The following LHFPL5 variants were observed in gnomAD, a reference collection of about 807,000 sequenced individuals.
The protein encoded by LHFPL5 is LHFPL tetraspan subfamily member 5.
LHFPL5 carries 12 observed loss-of-function variants against 18.7 expected under a neutral mutation model. The ratio of observed to expected loss-of-function variants is 0.64; its 90% CI spans 0.41 to 1.04. The LOEUF is 1.04. LHFPL5 is among the 50% of genes least tolerant of loss of function. The pLI is 0.00. For missense variants in LHFPL5, 259 were observed against 292.1 expected, an observed-to-expected ratio of 0.89 and a Z score of 0.83; for synonymous variants, 111 against 120.2, an observed-to-expected ratio of 0.92 and a Z score of 0.50.
chr6:35,811,639 G>T (rs1768666058), intron 1 of LHFPL5, among the ~76,000 whole-genome samples: 1 of 152,246 alleles, frequency 6.6e-6, no homozygotes, highest in African/African-American at 2.4e-5. Context: ...TGCAGGAGGG[G>T]AGGGGCCACG....
intron 2 of LHFPL5, among the ~76,000 whole-genome samples, chr6:35,818,655 G>A (rs1272830338): frequency 6.7e-6 from 1 of 149,788 alleles, no homozygotes; most frequent in African/African-American, 2.5e-5. Context: ...CAGCTTGTTA[G>A]TGAATTATAT....
At chr6:35,819,894 G>A (rs1469231537) in intron 3 of LHFPL5, 1 of 237,324 alleles carries the variant, frequency 4.2e-6, no homozygotes, top group African/African-American at 2.2e-5. Context: ...AGCCAGGATG[G>A]TCTCCATCTC....
At chr6:35,809,128 G>T (rs1768623637) in intron 1 of LHFPL5, among the ~76,000 whole-genome samples, 2 of 152,176 alleles carry the variant, frequency 1.3e-5, no homozygotes, top group Admixed American at 1.3e-4. Context: ...AGCTTAACAA[G>T]ATTAATTGGG....
rs969752926 is a variant in LHFPL5, at chr6:35,823,600, T to G, written c.*635T>G. On this transcript the variant is annotated 3_prime_UTR_variant, in exon 4 of 4. Transcript: ENST00000360215. ...TGTAGGGGGTCTTTTGCTTCTCCCT[T>G]CTCATATTTTGTTTTCTTATTGCTG... The G allele has an allele frequency of 6.6e-6, 1 of 150,916 alleles. No individual in the cohort carries two copies. 9.3% of individuals were successfully genotyped at this position (150,916 alleles called of 1,614,324 possible).
intron 3 of LHFPL5, 84 bp from the exon 4 acceptor site, chr6:35,822,898 C>T (rs1768892185): frequency 2.0e-5 from 3 of 152,240 alleles, no homozygotes; most frequent in Non-Finnish European, 4.4e-5. Flanking sequence ...GCGTGAACCA[C>T]TGCACCCAGC....
chr6:35,813,662 T>C (rs1018843752), intron 1 of LHFPL5, among the ~76,000 whole-genome samples: 1 of 152,148 alleles, frequency 6.6e-6, no homozygotes, highest in Non-Finnish European at 1.5e-5. Flanking sequence ...CCAGGGACAG[T>C]CTGGAAAGCC....
chr6:35,808,420 G>C lies in LHFPL5; in HGVS notation c.412+2338G>C, dbSNP rs572769758. Among the ~76,000 whole-genome samples the C allele has an allele frequency of 6.1e-5, 9 of 146,498 alleles. No homozygotes were observed. The South Asian group carries it at 6.4e-4, about 10-fold the overall frequency. On this transcript the variant is annotated intron_variant, in intron 1 of 3. Transcript: ENST00000360215. ...CCCAGCACTTTGGGAGGGCGAGGTG[G>C]GCAGATTGCTTGAGCTCAGGAGTTC...
intron 1 of LHFPL5, among the ~76,000 whole-genome samples, chr6:35,807,110 G>A (rs2817024): frequency 0.14 from 21,443 of 151,990 alleles, 3,097 homozygotes; most frequent in African/African-American, 0.37. Context: ...TTTCAGATGT[G>A]ATCCACAGCA....
chr6:35,815,941 G>T (rs1162663050), intron 2 of LHFPL5, among the ~76,000 whole-genome samples: 1 of 152,184 alleles, frequency 6.6e-6, no homozygotes, highest in African/African-American at 2.4e-5. Context: ...GGAGGCCGAG[G>T]TGGGTGGATC....
At chr6:35,806,129 ACAGCTG>A (rs1438058516) in intron 1 of LHFPL5, 47 bp downstream of exon 1, 1 of 1,597,420 alleles carries the variant, frequency 6.3e-7, no homozygotes. Context: ...CCCCGGGGCC[ACAGCTG>A]CAGCTGCACC....
intron 2 of LHFPL5, among the ~76,000 whole-genome samples, chr6:35,816,161 G>A (rs1445757965): frequency 7.1e-6 from 1 of 141,672 alleles, no homozygotes; most frequent in African/African-American, 2.7e-5. Flanking sequence ...CTGGGTGACA[G>A]AGCGAGACTC....
chr6:35,805,892 C>T lies in LHFPL5; in HGVS notation c.222C>T (p.Ser74=). The change falls in exon 1 of 4, where the codon TCC becomes TCT. Residue 74 remains serine (S), a synonymous_variant. Transcript: ENST00000360215. The surrounding 1 kb of genome is among the most constrained non-coding windows in gnomAD (Gnocchi z 4.3). ...CCTACTGCGTGGGTAACGTGCTGTC[C>T]TCCGAGCTCATCTGCAAGGGCGGCC... The part of the protein sequence containing the change: ...LFSYCVGNVL[S]SELICKGGPL... 2 of 1,614,212 alleles carry T rather than the reference C, an allele frequency of 1.2e-6. No homozygotes were observed. Among genetic ancestry groups the T allele is most frequent in the South Asian group, 2.2e-5 (2 of 91,088 alleles).
chr6:35,818,320 C>CATATATAT (rs112710434), intron 2 of LHFPL5, among the ~76,000 whole-genome samples: 5 of 120,266 alleles, frequency 4.2e-5, no homozygotes, highest in African/African-American at 1.3e-4. Flanking sequence ...TACTAAAAGC[C>CATATATAT]ATATATATAT....
At chr6:35,808,446 G>A (rs1225914994) in intron 1 of LHFPL5, among the ~76,000 whole-genome samples, 4 of 146,226 alleles carry the variant, frequency 2.7e-5, no homozygotes, top group African/African-American at 4.9e-5. Context: ...TCAGGAGTTC[G>A]AGACCAGCCT....
At chr6:35,820,980 C>T (rs1581976185) in intron 3 of LHFPL5, among the ~76,000 whole-genome samples, 1 of 152,152 alleles carries the variant, frequency 6.6e-6, no homozygotes, top group African/African-American at 2.4e-5. Context: ...CAAACTTCAG[C>T]GTGCATACAG....
At chr6:35,819,370 G>C (rs895005247) in intron 2 of LHFPL5, 67 bp from the exon 3 acceptor site, 1 of 1,430,970 alleles carries the variant, frequency 7.0e-7, no homozygotes, top group South Asian at 1.1e-5. Context: ...AGATGGAGTA[G>C]TGTGCAGGAA....
intron 1 of LHFPL5, among the ~76,000 whole-genome samples, chr6:35,812,585 G>A (rs374560445): frequency 2.1e-3 from 314 of 152,316 alleles, no homozygotes; most frequent in African/African-American, 7.3e-3. Context: ...AGTCAAGTAA[G>A]GCACAGGGTG....
chr6:35,813,676 C>A (rs1192205091), intron 1 of LHFPL5, among the ~76,000 whole-genome samples: 2 of 151,892 alleles, frequency 1.3e-5, no homozygotes, highest in Non-Finnish European at 2.9e-5. Context: ...GAAAGCCTTC[C>A]TGTATACATT....
At chr6:35,806,204 C>A in intron 1 of LHFPL5, 122 bp downstream of exon 1, 1 of 1,022,862 alleles carries the variant, frequency 9.8e-7, no homozygotes, top group Non-Finnish European at 1.4e-6. Flanking sequence ...ATAGCCCAGT[C>A]CTACTCAGTG....
Sources: allele counts gnomAD v4.1 joint callset (sites outside exome capture counted in the v4.1 genomes callset), GRCh38; gene constraint gnomAD v4.1.1; non-coding constraint Gnocchi (gnomAD v3.1); transcripts MANE v1.5; gene names NCBI Gene and HGNC (gene_info 2026-07-23, HGNC 2026-07-21).